Variants in UTP18 observed in about 807,000 individuals in gnomAD.
UTP18 encodes the protein UTP18 small subunit processome component, also known as U3 small nucleolar RNA-associated protein 18 homolog.
A neutral mutation model predicts 61.1 loss-of-function variants in UTP18; 36 were observed. The observed-to-expected ratio is 0.59, with a 90% CI of 0.45 to 0.78. The LOEUF is 0.78. UTP18 is among the 30% of genes least tolerant of loss of function. The probability of loss-of-function intolerance (pLI) is 0.00; values close to 1 mark genes in which losing one functional copy is unlikely to be tolerated. For missense variants in UTP18, 753 were observed against 693.9 expected, an observed-to-expected ratio of 1.09 and a Z score of -0.96; for synonymous variants, 282 against 251.1, an observed-to-expected ratio of 1.12 and a Z score of -1.16.
rs199553488 is a variant in UTP18 at position 51,288,051 on chromosome 17, A to G, written c.1351A>G (p.Ile451Val). 6 of 1,593,634 alleles carry G rather than the reference A, an allele frequency of 3.8e-6. No homozygotes were observed. The highest frequency in any genetic ancestry group is 2.3e-5 in the East Asian group (1 of 44,426). The change falls in exon 11 of 14, where the codon ATA (isoleucine) becomes GTA (valine). Residue 451 changes from isoleucine (I) to valine (V), a missense_variant. Transcript: ENST00000225298. ...ACGSNCGVVN[I>V]YNQDSCLQET... ...TAGTTCTAATTGTGGAGTGGTAAAT[A>G]TATACAATCAAGATTCTTGTCTCCA...
At chr17:51,273,070 A>G (rs1904580327) in intron 4 of UTP18, among the ~76,000 whole-genome samples, 1 of 152,038 alleles carries the variant, frequency 6.6e-6, no homozygotes, top group Admixed American at 6.6e-5. Context: ...CTTTTATTTC[A>G]CTTCATCTTG....
At chr17:51,281,221 C>G (rs58023022) in intron 9 of UTP18, among the ~76,000 whole-genome samples, 4,664 of 149,500 alleles carry the variant, frequency 0.031, 162 homozygotes, top group African/African-American at 0.08. Context: ...GCTAGAAAAT[C>G]AGATCTATTT....
chr17:51,274,270 G>A (rs1429495181), intron 5 of UTP18, among the ~76,000 whole-genome samples: 3 of 152,088 alleles, frequency 2.0e-5, no homozygotes, highest in Non-Finnish European at 4.4e-5. Context: ...TCTCTAAAGT[G>A]GTCTACACTA....
chr17:51,263,484 G>T, intron 2 of UTP18, 98 bp downstream of exon 2: 2 of 920,424 alleles, frequency 2.2e-6, no homozygotes, highest in Non-Finnish European at 3.3e-6. Context: ...GTGATTATGT[G>T]AAGATTTGAA....
intron 7 of UTP18, among the ~76,000 whole-genome samples, chr17:51,277,918 C>T (rs1904784413): frequency 6.6e-6 from 1 of 152,076 alleles, no homozygotes; most frequent in Non-Finnish European, 1.5e-5. Context: ...GAACCAAAGC[C>T]CTTCTAATGA....
intron 2 of UTP18, among the ~76,000 whole-genome samples, chr17:51,265,407 G>A (rs185483159): frequency 1.3e-5 from 2 of 151,604 alleles, no homozygotes; most frequent in East Asian, 3.9e-4. Context: ...GGGATTACAG[G>A]CTCCTGCCAC....
rs759069511 is a variant in UTP18, at chr17:51,279,990, C to A, written c.1013-15C>A. 23 of 1,592,498 alleles carry A rather than the reference C, an allele frequency of 1.4e-5. No individual in the cohort carries two copies. The highest frequency in any genetic ancestry group is 5.1e-6 in the Non-Finnish European group (6 of 1,165,292). On this transcript the variant is annotated splice_polypyrimidine_tract_variant and intron_variant, in intron 7 of 13. Coordinates refer to ENST00000225298, the MANE Select transcript of UTP18 (RefSeq NM_016001.3). The stretch of plus-strand genomic sequence containing the variant: ...TATATAAAACTTTATTTAATTGCTT[C>A]ATTTCCTATTTTAGGTTTGAAAGAG...
intron 11 of UTP18, among the ~76,000 whole-genome samples, chr17:51,292,402 G>C (rs574207379): frequency 1.4e-4 from 21 of 152,340 alleles, no homozygotes; most frequent in African/African-American, 5.0e-4. Context: ...GAAAATAATT[G>C]AATGTGGCTT....
intron 11 of UTP18, among the ~76,000 whole-genome samples, chr17:51,292,280 T>TG (rs748652376): frequency 2.0e-5 from 3 of 152,198 alleles, no homozygotes; most frequent in Non-Finnish European, 2.9e-5. Flanking sequence ...AAGTCCAAAT[T>TG]GGGGTACTGC....
At position 51,280,405 on chromosome 17, in the gene UTP18, GAAGCA is replaced by G; in HGVS notation, c.1131_1135del (p.Ser378GlufsTer3). 1.2e-6 allele frequency: 2 copies of G among 1,614,114 alleles called. No individual in the cohort carries two copies. The stretch of plus-strand genomic sequence containing the variant: ...TTGTTTTAGACCAAAGAACTGATTG[GAAGCA>G]TGAAAATTAATGGAAGGGTTGCAGC... On this transcript the variant is annotated frameshift_variant, in exon 9 of 14. Coordinates refer to ENST00000225298, the MANE Select transcript of UTP18 (RefSeq NM_016001.3). LOFTEE classifies it high-confidence loss of function.
intron 7 of UTP18, among the ~76,000 whole-genome samples, chr17:51,277,599 G>A (rs1278499536): frequency 6.6e-6 from 1 of 152,156 alleles, no homozygotes; most frequent in African/African-American, 2.4e-5. Flanking sequence ...AGCAGAAAAA[G>A]CATGAGCCAT....
At chr17:51,264,849 A>G (rs1427996898) in intron 2 of UTP18, among the ~76,000 whole-genome samples, 2 of 151,774 alleles carry the variant, frequency 1.3e-5, no homozygotes, top group African/African-American at 4.8e-5. Context: ...TGCCCAGCTA[A>G]TTTTTGTATT....
intron 7 of UTP18, among the ~76,000 whole-genome samples, chr17:51,279,737 T>C (rs751857144): frequency 6.6e-6 from 1 of 152,208 alleles, no homozygotes; most frequent in African/African-American, 2.4e-5. Flanking sequence ...GTTTACTGTT[T>C]GGAGAGCTGA....
At chr17:51,297,031 T>C (rs1449329077) in intron 13 of UTP18, 28 bp downstream of exon 13, 1 of 1,593,966 alleles carries the variant, frequency 6.3e-7, no homozygotes, top group African/African-American at 1.3e-5. Flanking sequence ...TTACAAATTC[T>C]GCAGGTTTTA....
chr17:51,263,506 A>G, intron 2 of UTP18, 120 bp downstream of exon 2: 1 of 775,682 alleles, frequency 1.3e-6, no homozygotes, highest in Non-Finnish European at 2.0e-6. Flanking sequence ...AATATTTGAA[A>G]GTATAGAAAA....
chr17:51,274,164 C>A (rs1434449435), intron 5 of UTP18, among the ~76,000 whole-genome samples: 1 of 152,160 alleles, frequency 6.6e-6, no homozygotes, highest in Non-Finnish European at 1.5e-5. Flanking sequence ...TGAACCTTTG[C>A]TCTTTCTCTT....
At chr17:51,289,199 TG>T (rs1447878170) in intron 11 of UTP18, among the ~76,000 whole-genome samples, 3,092 of 93,138 alleles carry the variant, frequency 0.033, 49 homozygotes, top group Admixed American at 0.039. Flanking sequence ...CTGTTTTTTT[TG>T]TTTTTTTTTT....
intron 9 of UTP18, among the ~76,000 whole-genome samples, chr17:51,281,212 C>T (rs930837920): frequency 2.0e-5 from 3 of 148,448 alleles, no homozygotes; most frequent in Admixed American, 6.7e-5. Flanking sequence ...TTCTTTTTAG[C>T]TAGAAAATCA....
intron 1 of UTP18, among the ~76,000 whole-genome samples, chr17:51,261,726 G>T (rs979573958): frequency 6.6e-6 from 1 of 152,122 alleles, no homozygotes; most frequent in Admixed American, 6.5e-5. Context: ...AGATGGGCGT[G>T]TGTAGAGGCC....
Sources: gnomAD v4.1 joint callset for allele counts (sites outside exome capture counted in the v4.1 genomes callset) on GRCh38, gnomAD v4.1.1 for gene constraint, MANE v1.5 for transcripts, NCBI Gene and HGNC (gene_info 2026-07-23, HGNC 2026-07-21) for gene names.